The following NINL variants were observed in gnomAD, a reference collection of about 807,000 sequenced individuals.
The protein encoded by NINL is ninein like.
Under a neutral mutation model 160.3 loss-of-function variants are expected in NINL, and 153 were observed. That is an observed-to-expected ratio of 0.95 (90% CI 0.84 to 1.09). NINL has a LOEUF of 1.09. Ranked by LOEUF, NINL falls within the 50% of genes least tolerant of loss-of-function variation. The pLI is 0.00. For synonymous variants in NINL, 800 were observed against 734.8 expected (o/e 1.09, Z -1.43); for missense variants, 1,829 against 1,764.0 (o/e 1.04, Z -0.66).
intron 1 of NINL, among the ~76,000 whole-genome samples, chr20:25,539,520 T>G (rs926667913): frequency 1.3e-5 from 2 of 152,202 alleles, no homozygotes; most frequent in Non-Finnish European, 2.9e-5. Context: ...ATACGGAGAC[T>G]GCTGCTTACT....
chr20:25,536,069 T>C (rs2064550757), intron 1 of NINL, among the ~76,000 whole-genome samples: 1 of 152,188 alleles, frequency 6.6e-6, no homozygotes, highest in Non-Finnish European at 1.5e-5. Flanking sequence ...GGGATCAGAA[T>C]GGCACCATGC....
At chr20:25,503,866 ACAGG>A in intron 7 of NINL, 82 bp downstream of exon 7, 2 of 1,512,076 alleles carry the variant, frequency 1.3e-6, no homozygotes, top group Non-Finnish European at 1.8e-6. Context: ...GTGTGGTGAC[ACAGG>A]CAGGGAGGGA....
chr20:25,476,529 T>G lies in NINL; in HGVS notation c.2762A>C (p.Lys921Thr), dbSNP rs770965162. 1 of 1,600,878 alleles carries G rather than the reference T, an allele frequency of 6.2e-7. No individual in the cohort carries two copies. Among genetic ancestry groups the G allele is most frequent in the Admixed American group, 1.7e-5 (1 of 59,986 alleles). Residue 921 changes from lysine (K) to threonine (T), a missense_variant, in exon 17 of 24, where the codon AAG becomes ACG. Coordinates refer to ENST00000278886, the MANE Select transcript of NINL (RefSeq NM_025176.6). Reference protein sequence around the residue: ...PCGVDGDIVPKEPEPFGASAA... With the variant: ...PCGVDGDIVPTEPEPFGASAA... Reference sequence around the variant, plus strand: ...GCTCGCGCCGAAAGGCTCTGGCTCCTTTGGGACAATATCCCCATCCACTCC... The same window carrying G: ...GCTCGCGCCGAAAGGCTCTGGCTCCGTTGGGACAATATCCCCATCCACTCC...
At chr20:25,552,848 G>A (rs548017545) in intron 1 of NINL, among the ~76,000 whole-genome samples, 24 of 152,240 alleles carry the variant, frequency 1.6e-4, no homozygotes, top group Non-Finnish European at 3.2e-4. Context: ...GCGAAGAGCC[G>A]AGCCTATCTG....
In NINL at chr20:25,570,399, G is replaced by A. The variant is rs562837367; in HGVS notation, c.-12+15056C>T. ...TAGTGAGTTCTCATGAGATTTGGTT[G>A]TTTAAAGGCATGTGGCACCTCCTCG... On this transcript the variant is annotated intron_variant, in intron 1 of 23. Transcript: ENST00000278886. 7.9e-5 allele frequency among the ~76,000 whole-genome samples: 12 copies of A among 152,166 alleles called. 1 individual carries two copies. The South Asian group carries it at 2.5e-3, about 32-fold the overall frequency.
chr20:25,577,738 C>T (rs1440373057), intron 1 of NINL, among the ~76,000 whole-genome samples: 1 of 152,140 alleles, frequency 6.6e-6, no homozygotes, highest in Non-Finnish European at 1.5e-5. Flanking sequence ...GGGGAGCCCA[C>T]CACCCCTCTT....
intron 1 of NINL, among the ~76,000 whole-genome samples, chr20:25,555,730 A>G (rs1254371690): frequency 6.6e-6 from 1 of 152,086 alleles, no homozygotes; most frequent in Non-Finnish European, 1.5e-5. Flanking sequence ...GCTGGTGTGC[A>G]ATGGCACAAT....
chr20:25,470,330 C>G (rs1042750901), intron 17 of NINL, among the ~76,000 whole-genome samples: 4 of 152,244 alleles, frequency 2.6e-5, no homozygotes, highest in African/African-American at 9.6e-5. Context: ...GCCACGCCAT[C>G]AAGTCACAAA....
intron 5 of NINL, among the ~76,000 whole-genome samples, chr20:25,508,037 C>G (rs941037214): frequency 6.6e-6 from 1 of 152,132 alleles, no homozygotes; most frequent in African/African-American, 2.4e-5. Flanking sequence ...TCCTGCGAGC[C>G]CTTCCCTTCG....
At chr20:25,481,679 G>A (rs1369208046) in intron 14 of NINL, among the ~76,000 whole-genome samples, 2 of 152,204 alleles carry the variant, frequency 1.3e-5, no homozygotes, top group Admixed American at 1.3e-4. Flanking sequence ...GTCTCAGCAA[G>A]TACCGTGTCA....
intron 1 of NINL, among the ~76,000 whole-genome samples, chr20:25,566,544 G>A (rs558294579): frequency 1.3e-5 from 2 of 152,258 alleles, no homozygotes; most frequent in East Asian, 3.9e-4. Context: ...GCTGTAATGG[G>A]AAAAAGTGGA....
At chr20:25,512,129 G>A (rs2064081445) in intron 4 of NINL, among the ~76,000 whole-genome samples, 1 of 152,154 alleles carries the variant, frequency 6.6e-6, no homozygotes, top group Non-Finnish European at 1.5e-5. Context: ...CCAGGCACCT[G>A]CAGCAAATGA....
intron 13 of NINL, among the ~76,000 whole-genome samples, chr20:25,483,348 A>G (rs1601098838): frequency 6.7e-6 from 1 of 148,498 alleles, no homozygotes; most frequent in African/African-American, 2.5e-5. Flanking sequence ...AAAAAAAAAA[A>G]GAAAAGAAAA....
At chr20:25,523,511 C>A (rs1044615236) in intron 2 of NINL, among the ~76,000 whole-genome samples, 1 of 152,172 alleles carries the variant, frequency 6.6e-6, no homozygotes, top group Admixed American at 6.5e-5. Context: ...CATTGGCCTC[C>A]CAAAGTGCTG....
At chr20:25,534,260 T>G (rs1427399501) in intron 1 of NINL, among the ~76,000 whole-genome samples, 1 of 152,208 alleles carries the variant, frequency 6.6e-6, no homozygotes, top group Non-Finnish European at 1.5e-5. Flanking sequence ...CTTCCTGCTG[T>G]GCCTGTTACT....
Position 25,481,995 on chromosome 20 carries a change from G to A in NINL, c.1783C>T (p.Arg595Trp), listed in dbSNP as rs371198933. The change falls in exon 14 of 24, where the codon CGG (arginine) becomes TGG (tryptophan). Residue 595 changes from arginine to tryptophan, a missense_variant. Coordinates refer to ENST00000278886, the MANE Select transcript of NINL (RefSeq NM_025176.6). ...GCTGGGCCGAGTCCAGGGAGCTGCC[G>A]TCTGCGCCCATCCGGGCTCCATGAG... ...SPSWSPDGRR[R>W]QLPGLGPAGI... 22 of 1,598,062 alleles carry A rather than the reference G, an allele frequency of 1.4e-5. No homozygotes were observed. Among genetic ancestry groups the A allele is most frequent in the Admixed American group, 3.3e-5 (2 of 59,964 alleles).
At chr20:25,516,716 T>C (rs925284041) in intron 3 of NINL, among the ~76,000 whole-genome samples, 13 of 152,140 alleles carry the variant, frequency 8.5e-5, no homozygotes, top group Non-Finnish European at 1.8e-4. Context: ...ACCCAGGTCA[T>C]GCATATGGCT....
intron 1 of NINL, among the ~76,000 whole-genome samples, chr20:25,549,333 C>T (rs1203663840): frequency 6.6e-6 from 1 of 151,716 alleles, no homozygotes; most frequent in Admixed American, 6.6e-5. Flanking sequence ...GGCCACAGCT[C>T]CCATACCCAG....
chr20:25,467,394 T>C lies in NINL; in HGVS notation c.3418A>G (p.Arg1140Gly), dbSNP rs1386309419. 6.2e-7 allele frequency: 1 copy of C among 1,613,144 alleles called. No individual in the cohort carries two copies. The highest frequency in any genetic ancestry group is 2.2e-5 in the East Asian group (1 of 44,880). ...GCCAGGCGTCGATACGTCACCTGTC[T>C]GTTGAGCACCTCCATCTCAGAGCAG... ...KACSEMEVLN[R>G]QNQNYKDQLS... The change falls in exon 19 of 24, where the codon AGA (arginine) becomes GGA (glycine). Residue 1140 changes from arginine to glycine, a missense_variant. Physicochemically the swap from Arg to Gly is moderately radical, Grantham distance 125 (BLOSUM62 -2). Transcript: ENST00000278886.
Sources: gnomAD v4.1 joint callset for allele counts (sites outside exome capture counted in the v4.1 genomes callset) on GRCh38, gnomAD v4.1.1 for gene constraint, MANE v1.5 for transcripts, NCBI Gene and HGNC (gene_info 2026-07-23, HGNC 2026-07-21) for gene names.